The following VDR variants were observed in gnomAD, a reference collection of about 807,000 sequenced individuals.
The protein encoded by VDR is vitamin D receptor.
In VDR, 19 loss-of-function variants were observed where a neutral mutation model predicts 39.7. The ratio of observed to expected loss-of-function variants is 0.48; its 90% CI spans 0.33 to 0.70. VDR has a LOEUF of 0.70. Ranked by LOEUF, VDR falls within the 30% of genes least tolerant of loss-of-function variation. The pLI, the probability that VDR is intolerant of heterozygous loss-of-function variation, is 0.02. For synonymous variants in VDR, 242 were observed against 215.8 expected (o/e 1.12, Z -1.07); for missense variants, 442 against 570.5 (o/e 0.77, Z 2.29).
intron 3 of VDR, among the ~76,000 whole-genome samples, chr12:47,867,121 C>T (rs1334101780): frequency 3.3e-5 from 5 of 151,288 alleles, no homozygotes; most frequent in East Asian, 2.0e-4. Flanking sequence ...TTTGAGAGGC[C>T]GAGGTGGGTG....
In VDR at chr12:47,865,221, G is replaced by C. The variant is rs769809390; in HGVS notation, c.147-44C>G. The C allele has an allele frequency of 1.9e-6, 3 of 1,603,000 alleles. No individual in the cohort carries two copies. The African/African-American group carries it at 4.0e-5, about 21-fold the overall frequency. ...CCCTGCCCTGGGTCACTGAACTTCC[G>C]GCTCCTCACCCTGTCATCACGGAGA... On this transcript the variant is annotated intron_variant, in intron 3 of 9. Coordinates refer to ENST00000549336, the MANE Select transcript of VDR (RefSeq NM_000376.3).
At chr12:47,877,189 C>T (rs1394776741) in intron 3 of VDR, among the ~76,000 whole-genome samples, 1 of 152,040 alleles carries the variant, frequency 6.6e-6, no homozygotes, top group African/African-American at 2.4e-5. Flanking sequence ...AGTTTGAGAC[C>T]AGCCTGGGCA....
At chr12:47,900,668 G>T (rs1315828293) in intron 1 of VDR, among the ~76,000 whole-genome samples, 1 of 152,156 alleles carries the variant, frequency 6.6e-6, no homozygotes, top group Non-Finnish European at 1.5e-5. Context: ...CCAGCAGGTG[G>T]CACACACTGG....
Position 47,844,270 on chromosome 12 carries a change from G to A in VDR, c.*476C>T, listed in dbSNP as rs1040221795. ...TGTTGGTGGGCACTGAAGGGGGTGGGGTGGGAGCTGTGGGCCGATTATTTA... is the reference window on the plus strand; with the variant it reads ...TGTTGGTGGGCACTGAAGGGGGTGGAGTGGGAGCTGTGGGCCGATTATTTA... On this transcript the variant is annotated 3_prime_UTR_variant, in exon 10 of 10. Coordinates refer to ENST00000549336, the MANE Select transcript of VDR (RefSeq NM_000376.3). The A allele has an allele frequency of 3.4e-5, 8 of 238,288 alleles. No homozygotes were observed. Among genetic ancestry groups the A allele is most frequent in the Non-Finnish European group, 5.8e-5 (7 of 120,022 alleles). The allele number at this position is 238,288 out of a possible 1,614,324, so 14.8% of individuals were successfully genotyped here. A position where few individuals can be genotyped will look rare whatever the true frequency, so the allele number is the denominator to read the frequency against.
rs11574029 is a variant in VDR, at chr12:47,893,454, T to C, written c.-83-10680A>G. Among the ~76,000 whole-genome samples, 963 of 151,394 alleles carry C rather than the reference T, an allele frequency of 6.4e-3. 5 individuals are homozygous for C. Among genetic ancestry groups the C allele is most frequent in the Non-Finnish European group, 0.01 (689 of 67,828 alleles). On this transcript the variant is annotated intron_variant, in intron 1 of 9. Transcript: ENST00000549336. ...AAGGAGAGACCTGAAAAATTCAGCC[T>C]AGCTGAATAGAAAAAAAAAAGGTTT...
chr12:47,865,428 G>T (rs548154925), intron 3 of VDR, among the ~76,000 whole-genome samples: 4 of 152,194 alleles, frequency 2.6e-5, no homozygotes, highest in Admixed American at 2.0e-4. Context: ...GTTTCTTTTG[G>T]GGGGACAGGG....
rs3847987 is a variant in VDR, at chr12:47,844,285, C to A, written c.*461G>T. The A allele has an allele frequency of 0.12, 29,581 of 243,510 alleles. 2,068 individuals are homozygous for A. Among genetic ancestry groups the A allele is most frequent in the East Asian group, 0.2 (2,029 of 9,964 alleles). The allele number at this position is 243,510 out of a possible 1,614,324, so 15.1% of individuals were successfully genotyped here. ...AAGGGGGTGGGGTGGGAGCTGTGGG[C>A]CGATTATTTATCGTGAGTAGGCAGG... On this transcript the variant is annotated 3_prime_UTR_variant, in exon 10 of 10. Coordinates refer to ENST00000549336, the MANE Select transcript of VDR (RefSeq NM_000376.3).
chr12:47,858,416 C>T (rs1460612146), intron 4 of VDR, among the ~76,000 whole-genome samples: 1 of 152,236 alleles, frequency 6.6e-6, no homozygotes, highest in Non-Finnish European at 1.5e-5. Context: ...CCAGCATGTA[C>T]AGCCTTGACA....
chr12:47,857,300 A>C, intron 5 of VDR, 51 bp from the exon 6 acceptor site: 1 of 1,613,454 alleles, frequency 6.2e-7, no homozygotes. Flanking sequence ...TTGCCTTCCT[A>C]CCTTGGCCCT....
chr12:47,898,455 T>C (rs1187146968), intron 1 of VDR: 3 of 152,232 alleles, frequency 2.0e-5, no homozygotes, highest in Non-Finnish European at 2.9e-5. Context: ...TGGCACCCTA[T>C]AGCAATGCTG....
rs11574067 is a variant in VDR at position 47,864,733 on chromosome 12, G to A, written c.277+314C>T. ...ATCCTGGAGGAAGACCCTGACCCAG[G>A]AGTAGAAGGGACTCTTGAAGGCAGT... On this transcript the variant is annotated intron_variant, in intron 4 of 9. Transcript: ENST00000549336. Among the ~76,000 whole-genome samples, 31 of 152,346 alleles carry A rather than the reference G, an allele frequency of 2.0e-4. No homozygotes were observed. In the East Asian group the frequency reaches 4.1e-3, roughly 20 times the overall value.
intron 4 of VDR, among the ~76,000 whole-genome samples, chr12:47,863,196 GC>G (rs1463850437): frequency 1.3e-5 from 2 of 152,206 alleles, no homozygotes; most frequent in African/African-American, 2.4e-5. Context: ...GGACCAGGAG[GC>G]AGGTAGGAGG....
At chr12:47,879,213 C>T in intron 2 of VDR, 98 bp from the exon 3 acceptor site, 2 of 1,396,530 alleles carry the variant, frequency 1.4e-6, no homozygotes, top group Middle Eastern at 2.6e-4. Flanking sequence ...ATCCCACCGC[C>T]CCCACCCCCC....
intron 7 of VDR, 39 bp downstream of exon 7, chr12:47,855,591 C>A (rs2137141734): frequency 6.2e-7 from 1 of 1,612,372 alleles, no homozygotes; most frequent in Non-Finnish European, 8.5e-7. Context: ...CAGTCTAGGA[C>A]TCTGACTCTG....
intron 3 of VDR, among the ~76,000 whole-genome samples, chr12:47,877,463 G>A (rs963784062): frequency 2.8e-4 from 42 of 152,236 alleles, no homozygotes; most frequent in African/African-American, 1.0e-3. Flanking sequence ...ATCAATACAT[G>A]CATGCCATTA....
chr12:47,853,471 G>A (rs1945426713), intron 7 of VDR, among the ~76,000 whole-genome samples: 1 of 146,114 alleles, frequency 6.8e-6, no homozygotes, highest in Non-Finnish European at 1.5e-5. Context: ...AAAGAATATT[G>A]GCCGGGCGTG....
intron 7 of VDR, 62 bp from the exon 8 acceptor site, chr12:47,846,870 A>C: frequency 6.3e-7 from 1 of 1,597,294 alleles, no homozygotes; most frequent in Non-Finnish European, 8.6e-7. Context: ...CACACAAATC[A>C]GTTTAGTGCT....
chr12:47,898,450 C>A (rs929122697), intron 1 of VDR: 2 of 152,152 alleles, frequency 1.3e-5, no homozygotes, highest in Admixed American at 6.5e-5. Flanking sequence ...CTGTTTGGCA[C>A]CCTATAGCAA....
At chr12:47,885,577 G>C (rs535269870) in intron 1 of VDR, among the ~76,000 whole-genome samples, 1 of 152,350 alleles carries the variant, frequency 6.6e-6, no homozygotes, top group Non-Finnish European at 1.5e-5. Context: ...CCCTCCTAAG[G>C]GTGGTAAAGC....
Sources: allele counts gnomAD v4.1 joint callset (sites outside exome capture counted in the v4.1 genomes callset), GRCh38; gene constraint gnomAD v4.1.1; transcripts MANE v1.5; gene names NCBI Gene and HGNC (gene_info 2026-07-23, HGNC 2026-07-21).